CHAT: variants seen among roughly 807,000 people sequenced by gnomAD.
CHAT encodes choline O-acetyltransferase.
A neutral mutation model predicts 76.9 loss-of-function variants in CHAT; 61 were observed. The observed-to-expected ratio is 0.79, with a 90% CI of 0.65 to 0.98. The LOEUF is 0.98. Ranked by LOEUF, CHAT falls within the 50% of genes least tolerant of loss-of-function variation. CHAT has a pLI of 0.00. For missense variants in CHAT, 946 were observed against 986.9 expected (o/e 0.96, Z 0.56); for synonymous variants, 407 against 397.4 (o/e 1.02, Z -0.29).
chr10:49,648,276 C>T (rs1193048765), intron 8 of CHAT, among the ~76,000 whole-genome samples: 7 of 152,176 alleles, frequency 4.6e-5, no homozygotes, highest in African/African-American at 1.7e-4. Flanking sequence ...GGGGCTCCAC[C>T]TTCACTGCCC....
At chr10:49,631,213 TAAC>T (rs1162667129) in intron 7 of CHAT, among the ~76,000 whole-genome samples, 1 of 152,154 alleles carries the variant, frequency 6.6e-6, no homozygotes, top group Non-Finnish European at 1.5e-5. Context: ...CAGGCAGCCG[TAAC>T]AAAGTACCAC....
At chr10:49,641,737 C>A (rs370300969) in intron 7 of CHAT, among the ~76,000 whole-genome samples, 1 of 152,156 alleles carries the variant, frequency 6.6e-6, no homozygotes, top group Admixed American at 6.5e-5. Flanking sequence ...TCATCCATCT[C>A]CTGGACTGTG....
chr10:49,623,857 G>A (rs1838822004), intron 5 of CHAT, among the ~76,000 whole-genome samples: 1 of 152,156 alleles, frequency 6.6e-6, no homozygotes, highest in African/African-American at 2.4e-5. Context: ...TCCCCACTGT[G>A]TCCCCAAGCT....
At chr10:49,643,303 C>T (rs1401900018) in intron 7 of CHAT, among the ~76,000 whole-genome samples, 2 of 152,210 alleles carry the variant, frequency 1.3e-5, no homozygotes, top group Admixed American at 1.3e-4. Context: ...GAGGTCAAGC[C>T]GATCACTCAC....
intron 7 of CHAT, among the ~76,000 whole-genome samples, chr10:49,635,887 A>T (rs986348580): frequency 2.6e-5 from 4 of 152,192 alleles, no homozygotes; most frequent in African/African-American, 9.7e-5. Flanking sequence ...ACCTACTCTT[A>T]CCACTCTGTT....
chr10:49,625,414 C>T, intron 5 of CHAT, 59 bp from the exon 6 acceptor site: 3 of 1,529,516 alleles, frequency 2.0e-6, no homozygotes, highest in Non-Finnish European at 2.7e-6. Flanking sequence ...CATTCTCTGT[C>T]TCCCCTCACC....
intron 6 of CHAT, 144 bp from the exon 7 acceptor site, chr10:49,627,464 C>T: frequency 1.2e-6 from 1 of 854,652 alleles, no homozygotes; most frequent in Non-Finnish European, 2.0e-6. Context: ...TGGCTTGGTC[C>T]CTAAACTGAG....
chr10:49,615,866 C>G (rs530055958), intron 1 of CHAT: 1 of 626,384 alleles, frequency 1.6e-6, no homozygotes, highest in South Asian at 2.0e-5. Flanking sequence ...GCCTGCAGAC[C>G]CGAGACTGCC....
chr10:49,645,468 C>T (rs544861309), intron 7 of CHAT, among the ~76,000 whole-genome samples: 1 of 152,236 alleles, frequency 6.6e-6, no homozygotes, highest in African/African-American at 2.4e-5. Flanking sequence ...TGTGTACCCC[C>T]ACACCCAGTA....
chr10:49,635,523 CTG>C (rs1201640668), intron 7 of CHAT, among the ~76,000 whole-genome samples: 1 of 152,188 alleles, frequency 6.6e-6, no homozygotes, highest in African/African-American at 2.4e-5. Flanking sequence ...TCCAGAGTGA[CTG>C]TACCATTTTA....
upstream of CHAT, chr10:49,610,812 G>T (rs748076815): frequency 6.9e-6 from 11 of 1,599,360 alleles, no homozygotes; most frequent in South Asian, 1.1e-4. Flanking sequence ...TGGGCGCGGC[G>T]CTGCAGGAGC....
intron 7 of CHAT, among the ~76,000 whole-genome samples, chr10:49,644,360 G>A (rs1316725870): frequency 1.3e-5 from 2 of 152,198 alleles, no homozygotes; most frequent in East Asian, 1.9e-4. Flanking sequence ...CCTTGTGGGC[G>A]GTAGAAGCTG....
intron 13 of CHAT, among the ~76,000 whole-genome samples, chr10:49,659,894 C>T (rs1183107341): frequency 6.6e-6 from 1 of 151,922 alleles, no homozygotes; most frequent in African/African-American, 2.4e-5. Context: ...AAAATAGATA[C>T]ATGGAAAGCT....
chr10:49,628,393 C>T (rs755214781), intron 7 of CHAT, among the ~76,000 whole-genome samples: 9 of 152,204 alleles, frequency 5.9e-5, no homozygotes, highest in East Asian at 3.9e-4. Context: ...TCCTTCCTTG[C>T]CCATGTTAGA....
chr10:49,658,530 C>T (rs1590624240), intron 13 of CHAT, among the ~76,000 whole-genome samples: 1 of 151,290 alleles, frequency 6.6e-6, no homozygotes, highest in East Asian at 1.9e-4. Context: ...AAAAACAAAA[C>T]AAACCAAAAC....
intron 10 of CHAT, among the ~76,000 whole-genome samples, chr10:49,650,393 C>T (rs1405284917): frequency 1.3e-5 from 2 of 152,126 alleles, no homozygotes; most frequent in Non-Finnish European, 2.9e-5. Context: ...CCATGCTGAC[C>T]TGAACCCACA....
intron 13 of CHAT, 43 bp from the exon 14 acceptor site, chr10:49,662,602 A>G (rs778836950): frequency 6.2e-7 from 1 of 1,612,704 alleles, no homozygotes. Flanking sequence ...GAGGTGCAGG[A>G]GGCCCACTTC....
chr10:49,611,436 G>A, upstream of CHAT: 1 of 1,597,968 alleles, frequency 6.3e-7, no homozygotes, highest in South Asian at 1.1e-5. Flanking sequence ...CGCCCTTCGG[G>A]GGCATCCTCT....
At chr10:49,654,484 C>T (rs1454839607) in intron 11 of CHAT, among the ~76,000 whole-genome samples, 1 of 152,252 alleles carries the variant, frequency 6.6e-6, no homozygotes, top group East Asian at 1.9e-4. Flanking sequence ...GGGACGCTGG[C>T]CCAGTTACCA....
Sources: allele counts gnomAD v4.1 joint callset (sites outside exome capture counted in the v4.1 genomes callset), GRCh38; gene constraint gnomAD v4.1.1; transcripts MANE v1.5; gene names NCBI Gene and HGNC (gene_info 2026-07-23, HGNC 2026-07-21).